The following CASQ2 variants were observed in gnomAD, a reference collection of about 807,000 sequenced individuals.
The protein encoded by CASQ2 is calsequestrin 2.
Under a neutral mutation model 46.5 loss-of-function variants are expected in CASQ2, and 49 were observed. The observed-to-expected ratio is 1.05, with a 90% confidence interval of 0.84 to 1.34. The LOEUF is 1.34. Ranked by LOEUF, CASQ2 falls within the 40% of genes most tolerant of loss-of-function variation. The pLI, the probability that CASQ2 is intolerant of heterozygous loss-of-function variation, is 0.00. For synonymous variants in CASQ2, 174 were observed against 168.5 expected (o/e 1.03, Z -0.25); for missense variants, 486 against 481.3 (o/e 1.01, Z -0.09).
At chr1:115,708,551 C>T (rs1654434771) in intron 8 of CASQ2, among the ~76,000 whole-genome samples, 1 of 152,198 alleles carries the variant, frequency 6.6e-6, no homozygotes. Flanking sequence ...TAATGTTTCT[C>T]TCCTCATCTT....
intron 5 of CASQ2, among the ~76,000 whole-genome samples, chr1:115,730,886 C>T (rs1647760685): frequency 6.6e-6 from 1 of 152,154 alleles, no homozygotes; most frequent in South Asian, 2.1e-4. Context: ...ACAAACAGGT[C>T]CTTTCAGCCA....
chr1:115,706,686 C>T (rs1654373032), intron 8 of CASQ2, among the ~76,000 whole-genome samples: 1 of 152,134 alleles, frequency 6.6e-6, no homozygotes, highest in Non-Finnish European at 1.5e-5. Flanking sequence ...AGTAACTCAC[C>T]AGCTACTTGG....
intron 1 of CASQ2, among the ~76,000 whole-genome samples, chr1:115,745,548 G>A (rs1181821333): frequency 6.6e-6 from 1 of 152,050 alleles, no homozygotes; most frequent in African/African-American, 2.4e-5. Flanking sequence ...AACTTCTCTG[G>A]GTAGACACCA....
At position 115,722,051 on chromosome 1, in the gene CASQ2, T is replaced by C. The variant is rs374533388; in HGVS notation, c.783+3457A>G. ...GAGGTCCTTTGGATGGACTGATTTCTGTTTCTCCCTTTCAAGGAAACAAAG... is the reference window on the plus strand; with the variant it reads ...GAGGTCCTTTGGATGGACTGATTTCCGTTTCTCCCTTTCAAGGAAACAAAG... On this transcript the variant is annotated intron_variant, in intron 7 of 10. Coordinates refer to ENST00000261448, the MANE Select transcript of CASQ2 (RefSeq NM_001232.4). Among the ~76,000 whole-genome samples the C allele has an allele frequency of 6.4e-4, 98 of 152,302 alleles. 1 individual carries two copies. Among genetic ancestry groups the C allele is most frequent in the Middle Eastern group, 6.8e-3 (2 of 294 alleles).
chr1:115,740,769 C>A lies in CASQ2; in HGVS notation c.379G>T (p.Gly127Cys). The change falls in exon 3 of 11, where the codon GGC becomes TGC. Residue 127 changes from glycine to cysteine, a missense_variant. Transcript: ENST00000261448. Reference sequence around the variant, plus strand: ...ACCAAGACATCAGCTGCAAACTCGCCATCAAACTCTATTGTGCGATCACCC... The same window carrying A: ...ACCAAGACATCAGCTGCAAACTCGCAATCAAACTCTATTGTGCGATCACCC... Reference protein sequence around the residue: ...LKGDRTIEFDGEFAADVLVEF... With the variant: ...LKGDRTIEFDCEFAADVLVEF... The A allele has an allele frequency of 6.2e-7, 1 of 1,613,708 alleles. No homozygotes were observed. The highest frequency in any genetic ancestry group is 8.5e-7 in the Non-Finnish European group (1 of 1,179,752).
intron 1 of CASQ2, among the ~76,000 whole-genome samples, chr1:115,748,147 G>A (rs1329209381): frequency 6.6e-6 from 1 of 151,890 alleles, no homozygotes; most frequent in East Asian, 1.9e-4. Context: ...CTTCTTGATG[G>A]TTTGACCCTG....
At chr1:115,753,980 G>T (rs1292942335) in intron 1 of CASQ2, among the ~76,000 whole-genome samples, 1 of 152,060 alleles carries the variant, frequency 6.6e-6, no homozygotes, top group East Asian at 1.9e-4. Context: ...AAACACCCTG[G>T]CTGTAACCCT....
In CASQ2 at chr1:115,744,915, G is replaced by A. The variant is rs1186837357; in HGVS notation, c.235-3C>T. 1 of 1,608,040 alleles carries A rather than the reference G, an allele frequency of 6.2e-7. No individual in the cohort carries two copies. The highest frequency in any genetic ancestry group is 1.3e-5 in the African/African-American group (1 of 74,870). On this transcript the variant is annotated splice_polypyrimidine_tract_variant and splice_region_variant and intron_variant, in intron 1 of 10. Coordinates refer to ENST00000261448, the MANE Select transcript of CASQ2 (RefSeq NM_001232.4). Reference sequence around the variant, plus strand: ...TGTTCAAGGACCTGGGCCACAAGCTGAAGAAACAAATGGAAAGATGAGTGT... The same window carrying A: ...TGTTCAAGGACCTGGGCCACAAGCTAAAGAAACAAATGGAAAGATGAGTGT...
intron 1 of CASQ2, among the ~76,000 whole-genome samples, chr1:115,760,663 C>T (rs775195986): frequency 6.6e-6 from 1 of 152,224 alleles, no homozygotes; most frequent in Non-Finnish European, 1.5e-5. Context: ...ATCTGGACAT[C>T]AGCCTTTACC....
chr1:115,722,418 A>G (rs537594108), intron 7 of CASQ2, among the ~76,000 whole-genome samples: 10 of 152,346 alleles, frequency 6.6e-5, no homozygotes, highest in African/African-American at 1.9e-4. Context: ...CTTTCTGAAC[A>G]TCTGCCTCTA....
chr1:115,720,048 A>G (rs1224418332), intron 7 of CASQ2, among the ~76,000 whole-genome samples: 1 of 152,208 alleles, frequency 6.6e-6, no homozygotes, highest in Admixed American at 6.5e-5. Context: ...TTCTTATTGA[A>G]TGCTTGAAGA....
intron 1 of CASQ2, among the ~76,000 whole-genome samples, chr1:115,757,048 C>A (rs79738739): frequency 6.6e-6 from 1 of 152,078 alleles, no homozygotes; most frequent in South Asian, 2.1e-4. Context: ...TGCGCAATAC[C>A]GGGGGCTTTG....
chr1:115,739,124 C>CTTTTTTTTTCTTTTTTTTT (rs1299140156), intron 3 of CASQ2, among the ~76,000 whole-genome samples: 3 of 99,520 alleles, frequency 3.0e-5, no homozygotes, highest in African/African-American at 8.8e-5. Flanking sequence ...TCTTTTCTTT[C>CTTTTTTTTTCTTTTTTTTT]TTTTTGAGAT....
chr1:115,719,803 G>T (rs572919707), intron 7 of CASQ2, among the ~76,000 whole-genome samples: 1 of 152,264 alleles, frequency 6.6e-6, no homozygotes, highest in African/African-American at 2.4e-5. Context: ...GGGCTTCTCT[G>T]AATCCCACAG....
At chr1:115,702,079 TGCCTG>T (rs1046290131) in intron 10 of CASQ2, among the ~76,000 whole-genome samples, 2 of 152,150 alleles carry the variant, frequency 1.3e-5, no homozygotes, top group Non-Finnish European at 2.9e-5. Context: ...CCCATGACCA[TGCCTG>T]GCTAATTTTT....
intron 2 of CASQ2, among the ~76,000 whole-genome samples, chr1:115,743,320 G>A (rs368927041): frequency 9.9e-5 from 15 of 151,716 alleles, no homozygotes; most frequent in South Asian, 2.1e-4. Flanking sequence ...CAGAAGTCAC[G>A]GCAATCTTGA....
At chr1:115,701,753 A>G (rs1654212083) in intron 10 of CASQ2, among the ~76,000 whole-genome samples, 1 of 152,126 alleles carries the variant, frequency 6.6e-6, no homozygotes, top group African/African-American at 2.4e-5. Context: ...TTTTACTTTG[A>G]CCTTCTAATC....
At chr1:115,728,064 G>A (rs183909056) in intron 5 of CASQ2, among the ~76,000 whole-genome samples, 54 of 152,268 alleles carry the variant, frequency 3.5e-4, no homozygotes, top group Admixed American at 6.5e-4. Context: ...TCAAGAAAGC[G>A]CAGGGATGAA....
At chr1:115,741,981 G>A (rs12737145) in intron 2 of CASQ2, among the ~76,000 whole-genome samples, 41,471 of 152,022 alleles carry the variant, frequency 0.27, 6,068 homozygotes, top group East Asian at 0.43. Context: ...GCAGCCTCTG[G>A]CACATGGGCG....
Sources: gnomAD v4.1 joint callset for allele counts (sites outside exome capture counted in the v4.1 genomes callset) on GRCh38, gnomAD v4.1.1 for gene constraint, MANE v1.5 for transcripts, NCBI Gene and HGNC (gene_info 2026-07-23, HGNC 2026-07-21) for gene names.